Variants in NCSTN observed in about 807,000 individuals in gnomAD.
The protein encoded by NCSTN is nicastrin.
NCSTN carries 22 observed loss-of-function variants against 87.0 expected under a neutral mutation model. That is an observed-to-expected ratio of 0.25 (90% CI 0.18 to 0.36). The LOEUF is 0.36. Among genes scored for constraint, NCSTN ranks in the 10% least tolerant of loss-of-function variants. The pLI is 1.00. For synonymous variants in NCSTN, 306 were observed against 327.1 expected (o/e 0.94, Z 0.69); for missense variants, 693 against 883.3 (o/e 0.78, Z 2.73).
At chr1:160,344,425 G>A in intron 1 of NCSTN, 2 of 1,458,222 alleles carry the variant, frequency 1.4e-6, no homozygotes, top group Non-Finnish European at 1.8e-6. Context: ...CCAGAATCTG[G>A]CAAATCTAAG....
chr1:160,347,039 G>A (rs1648532536), intron 2 of NCSTN, among the ~76,000 whole-genome samples: 1 of 152,168 alleles, frequency 6.6e-6, no homozygotes, highest in East Asian at 1.9e-4. Context: ...CTTGTAACTA[G>A]GCTCTAAGAA....
Position 160,358,361 on chromosome 1 carries a change from C to G in NCSTN, c.*90C>G. 1 of 1,522,256 alleles carries G rather than the reference C, an allele frequency of 6.6e-7. No homozygotes were observed. Among genetic ancestry groups the G allele is most frequent in the Non-Finnish European group, 9.1e-7 (1 of 1,103,678 alleles). The allele number at this position is 1,522,256 out of a possible 1,614,324, so 94.3% of individuals were successfully genotyped here. A position where few individuals can be genotyped will look rare whatever the true frequency, so the allele number is the denominator to read the frequency against. On this transcript the variant is annotated 3_prime_UTR_variant, in exon 17 of 17. Coordinates refer to ENST00000294785, the MANE Select transcript of NCSTN (RefSeq NM_015331.3). ...CACAACCACTAATTTGTCACTGGAA[C>G]CTCCCTGGGCCTGTCTCAGATTGGG... is the stretch of plus-strand genomic sequence containing the variant.
Position 160,343,430 on chromosome 1 carries a change from C to T in NCSTN, c.34C>T (p.Pro12Ser). ...ATAGGGSGAD[P>S]GSRGLLRLLS... ...GGCAGGGGGTGGCTCTGGGGCTGAC[C>T]CGGGAAGTCGGGGTCTCCTTCGCCT... The change falls in exon 1 of 17, where the codon CCG becomes TCG. Residue 12 changes from proline (P) to serine (S), a missense_variant. By Grantham distance (74) the Pro-to-Ser change is moderately conservative. Transcript: ENST00000294785. 2.5e-6 allele frequency: 4 copies of T among 1,612,790 alleles called. No individual in the cohort carries two copies. The highest frequency in any genetic ancestry group is 2.5e-6 in the Non-Finnish European group (3 of 1,179,724).
At chr1:160,345,261 C>T (rs867583340) in intron 2 of NCSTN, 4 of 263,636 alleles carry the variant, frequency 1.5e-5, no homozygotes, top group African/African-American at 2.3e-5. Flanking sequence ...GGCACGATCT[C>T]GGCTCACGGT....
chr1:160,356,024 C>T (rs567931860), intron 13 of NCSTN, 66 bp downstream of exon 13: 37 of 1,430,594 alleles, frequency 2.6e-5, no homozygotes, highest in South Asian at 1.5e-4. Context: ...CCTCCCTTGC[C>T]CTAGTGTCCC....
chr1:160,344,914 T>A, intron 2 of NCSTN, 88 bp downstream of exon 2: 3 of 1,110,142 alleles, frequency 2.7e-6, no homozygotes, highest in Non-Finnish European at 4.1e-6. Context: ...CTTAGGAGAT[T>A]TGACACTTAT....
intron 2 of NCSTN, among the ~76,000 whole-genome samples, chr1:160,346,611 T>C (rs1259475477): frequency 2.8e-5 from 4 of 144,554 alleles, no homozygotes; most frequent in Non-Finnish European, 6.0e-5. Flanking sequence ...CTTAGTTTCT[T>C]TTTTTTTTTT....
At position 160,356,753 on chromosome 1, in the gene NCSTN, A is replaced by T. The variant is rs760106177; in HGVS notation, c.1793A>T (p.Asp598Val). 2 of 1,614,186 alleles carry T rather than the reference A, an allele frequency of 1.2e-6. No individual in the cohort carries two copies. The highest frequency in any genetic ancestry group is 1.7e-6 in the Non-Finnish European group (2 of 1,180,024). ...DPSKVPSENK[D>V]LYEYSWVQGP... ...AGTAAAGTCCCAAGTGAAAACAAGGATGTGAGTGGTGGTGGGTGTTGGAAG... is the reference window on the plus strand; with the variant it reads ...AGTAAAGTCCCAAGTGAAAACAAGGTTGTGAGTGGTGGTGGGTGTTGGAAG... The change falls in exon 15 of 17, where the codon GAT becomes GTT. Residue 598 changes from aspartate to valine, a missense_variant and splice_region_variant. Asp to Val is a radical substitution (Grantham distance 152). Transcript: ENST00000294785.
At position 160,355,839 on chromosome 1, in the gene NCSTN, C is replaced by T; in HGVS notation, c.1456-24C>T. ...TTGAGGATAGGAGAGGTGGGCCATT[C>T]AGCCCCCTCCTCACCTACCACAGGC... On this transcript the variant is annotated intron_variant, in intron 12 of 16. Coordinates refer to ENST00000294785, the MANE Select transcript of NCSTN (RefSeq NM_015331.3). 1.9e-6 allele frequency: 3 copies of T among 1,608,070 alleles called. No individual in the cohort carries two copies. In the East Asian group the frequency reaches 6.7e-5, roughly 36 times the overall value.
intron 1 of NCSTN, 109 bp downstream of exon 1, chr1:160,343,590 C>A (rs553583781): frequency 2.7e-5 from 28 of 1,035,348 alleles, no homozygotes; most frequent in Admixed American, 6.0e-5. Context: ...TCTGTCCCCC[C>A]ACCCTGTAAA....
At chr1:160,343,963 T>C (rs1248725125) in intron 1 of NCSTN, 2 of 272,238 alleles carry the variant, frequency 7.3e-6, no homozygotes, top group East Asian at 2.7e-4. Context: ...GGTTTTTTTT[T>C]TTTTTTTTTT....
At chr1:160,351,008 T>C (rs953841460) in intron 5 of NCSTN, among the ~76,000 whole-genome samples, 2 of 152,230 alleles carry the variant, frequency 1.3e-5, no homozygotes, top group Non-Finnish European at 2.9e-5. Context: ...GCTAAACCAC[T>C]GAGTCTGCAA....
Position 160,349,594 on chromosome 1 carries a change from T to G in NCSTN, c.360T>G (p.Gly120=), listed in dbSNP as rs1334738146. The change falls in exon 4 of 17, where the codon GGT becomes GGG. Residue 120 remains glycine, a synonymous_variant. Coordinates refer to ENST00000294785, the MANE Select transcript of NCSTN (RefSeq NM_015331.3). ...AAGGGAGAACCAGCCGAATTGCTGG[T>G]CTTGCAGTGTCCTTGACCAAGCCCA... ...KLKGRTSRIA[G]LAVSLTKPSP... 1 of 1,614,154 alleles carries G rather than the reference T, an allele frequency of 6.2e-7. No homozygotes were observed. Among genetic ancestry groups the G allele is most frequent in the South Asian group, 1.1e-5 (1 of 91,084 alleles).
At chr1:160,349,727 C>T (rs761892867) in intron 4 of NCSTN, 57 bp downstream of exon 4, 61 of 1,601,462 alleles carry the variant, frequency 3.8e-5, no homozygotes, top group Admixed American at 1.3e-4. Context: ...ACTGTTGCTT[C>T]GGTCTTACGT....
chr1:160,343,954 G>GTTTT (rs35301624), intron 1 of NCSTN: 6,505 of 151,978 alleles, frequency 0.043, 255 homozygotes, highest in African/African-American at 0.12. Context: ...CTTGCCTCAG[G>GTTTT]TTTTTTTTTT....
chr1:160,356,179 T>C (rs1312400205), intron 13 of NCSTN, 81 bp from the exon 14 acceptor site: 1 of 1,289,310 alleles, frequency 7.8e-7, no homozygotes, highest in African/African-American at 1.5e-5. Context: ...TCCTGCCCCA[T>C]GACTGGGTCT....
intron 1 of NCSTN, chr1:160,344,496 C>A: frequency 6.5e-7 from 1 of 1,543,134 alleles, no homozygotes. Context: ...AATGGCGCTA[C>A]ATGGACTTTG....
chr1:160,348,397 C>T (rs937085180), intron 2 of NCSTN, among the ~76,000 whole-genome samples: 11 of 152,184 alleles, frequency 7.2e-5, no homozygotes, highest in African/African-American at 2.7e-4. Flanking sequence ...ACTTTGGAAA[C>T]CCTAGGTTTC....
In NCSTN at chr1:160,345,958, AAAAG is replaced by A. The variant is rs1557882185; in HGVS notation, c.190+1136_190+1139del. Among the ~76,000 whole-genome samples the A allele has an allele frequency of 4.0e-4, 60 of 151,064 alleles. 1 individual carries two copies. Among genetic ancestry groups the A allele is most frequent in the Non-Finnish European group, 5.6e-4 (38 of 67,664 alleles). On this transcript the variant is annotated intron_variant, in intron 2 of 16. Coordinates refer to ENST00000294785, the MANE Select transcript of NCSTN (RefSeq NM_015331.3). ...TGTCTGAAAAAAAAAAAAAAAAAAA[AAAAG>A]AAAATGCTGAATAATTGCAAGAGGA...
Sources: allele counts gnomAD v4.1 joint callset (sites outside exome capture counted in the v4.1 genomes callset), GRCh38; gene constraint gnomAD v4.1.1; transcripts MANE v1.5; gene names NCBI Gene and HGNC (gene_info 2026-07-23, HGNC 2026-07-21).